Variants in STIM1 observed in about 807,000 individuals in gnomAD.
STIM1 encodes the protein stromal interaction molecule 1.
In STIM1, 25 loss-of-function variants were observed where a neutral mutation model predicts 74.7. The ratio of observed to expected loss-of-function variants is 0.33; its 90% CI spans 0.24 to 0.47. STIM1 has a LOEUF of 0.47. STIM1 is among the 20% of genes least tolerant of loss of function. The pLI is 1.00. For synonymous variants in STIM1, 328 were observed against 348.8 expected, an observed-to-expected ratio of 0.94 and a Z score of 0.66; for missense variants, 728 against 920.8, an observed-to-expected ratio of 0.79 and a Z score of 2.71.
At chr11:3,949,636 C>A (rs180980466) in intron 1 of STIM1, among the ~76,000 whole-genome samples, 211 of 152,206 alleles carry the variant, frequency 1.4e-3, no homozygotes, top group African/African-American at 4.8e-3. Flanking sequence ...AGTTAGGCAT[C>A]ACTGTTAAGG....
intron 2 of STIM1, among the ~76,000 whole-genome samples, chr11:3,998,387 C>G (rs2093681593): frequency 6.6e-6 from 1 of 152,150 alleles, no homozygotes; most frequent in African/African-American, 2.4e-5. Flanking sequence ...GATAGGCTGA[C>G]AATTTGGGGA....
At chr11:3,918,493 A>G (rs193264287) in intron 1 of STIM1, among the ~76,000 whole-genome samples, 3 of 151,450 alleles carry the variant, frequency 2.0e-5, no homozygotes, top group East Asian at 3.9e-4. Flanking sequence ...CCAAGATCAG[A>G]CCACTGCACT....
Position 4,024,358 on chromosome 11 carries a change from C to T in STIM1, c.385+371C>T, listed in dbSNP as rs145439245. ...TCTCTAGCTTCCCACTTAGTCCCAG[C>T]TCTGCTGAGTCCTAGACAATTCAAA... On this transcript the variant is annotated intron_variant, in intron 3 of 12. Transcript: ENST00000526596. 1.2e-3 allele frequency among the ~76,000 whole-genome samples: 177 copies of T among 152,288 alleles called. 1 individual carries two copies. The highest frequency in any genetic ancestry group is 4.2e-3 in the African/African-American group (174 of 41,564).
Position 4,083,302 on chromosome 11 carries a change from C to T in STIM1, c.1278C>T (p.Arg426=). 2 of 1,614,242 alleles carry T rather than the reference C, an allele frequency of 1.2e-6. No individual in the cohort carries two copies. The highest frequency in any genetic ancestry group is 1.7e-6 in the Non-Finnish European group (2 of 1,180,050). ...AGGTGACAGCAGCATTGCGGGAGCG[C>T]CTGCACCGCTGGCAACAGATCGAGA... ...LSEVTAALRE[R]LHRWQQIEIL... is the part of the protein sequence containing the mutation. The change falls in exon 10 of 13, where the codon CGC becomes CGT. Residue 426 remains arginine (R), a synonymous_variant. Coordinates refer to ENST00000526596, the MANE Select transcript of STIM1 (RefSeq NM_001382567.1).
At position 4,055,091 on chromosome 11, in the gene STIM1, G is replaced by T. The variant is rs1185706623; in HGVS notation, c.386-435G>T. 2.6e-5 allele frequency among the ~76,000 whole-genome samples: 4 copies of T among 151,988 alleles called. No homozygotes were observed. The East Asian group carries it at 7.7e-4, about 29-fold the overall frequency. Reference sequence around the variant, plus strand: ...GGATGGATAATTGATTCTCAACCCTGGTCACAACAGTTTAAAAATATTCCA... The same window carrying T: ...GGATGGATAATTGATTCTCAACCCTTGTCACAACAGTTTAAAAATATTCCA... On this transcript the variant is annotated intron_variant, in intron 3 of 12. Transcript: ENST00000526596.
chr11:4,000,983 T>G (rs1478967387), intron 2 of STIM1, among the ~76,000 whole-genome samples: 1 of 152,002 alleles, frequency 6.6e-6, no homozygotes, highest in Non-Finnish European at 1.5e-5. Context: ...AGAAAGAGTA[T>G]CAGTGACGGA....
chr11:3,904,837 C>T (rs2092437291), intron 1 of STIM1, among the ~76,000 whole-genome samples: 1 of 152,054 alleles, frequency 6.6e-6, no homozygotes, highest in Admixed American at 6.6e-5. Context: ...GAGAAAATAT[C>T]TGGTAGTTGG....
At chr11:4,013,607 T>G (rs2093862368) in intron 2 of STIM1, among the ~76,000 whole-genome samples, 2 of 151,380 alleles carry the variant, frequency 1.3e-5, no homozygotes, top group Non-Finnish European at 2.9e-5. Flanking sequence ...GATATCCCCT[T>G]TATCATTTTT....
intron 1 of STIM1, among the ~76,000 whole-genome samples, chr11:3,953,771 G>A (rs2093177524): frequency 1.4e-5 from 2 of 146,238 alleles, no homozygotes; most frequent in South Asian, 2.3e-4. Flanking sequence ...TTGACTTCTT[G>A]ATCTTCTTCT....
chr11:3,970,723 CAAAAA>C (rs950456674), intron 2 of STIM1, among the ~76,000 whole-genome samples: 3 of 150,364 alleles, frequency 2.0e-5, no homozygotes, highest in Middle Eastern at 3.2e-3. Context: ...AGGCAAGTAT[CAAAAA>C]AAATCACAAC....
intron 2 of STIM1, chr11:3,973,128 C>A: frequency 2.4e-6 from 1 of 414,780 alleles, no homozygotes; most frequent in Non-Finnish European, 4.7e-6. Flanking sequence ...GTAACCAGGG[C>A]TGCCCCTCTA....
At chr11:4,009,413 G>A (rs2093814455) in intron 2 of STIM1, among the ~76,000 whole-genome samples, 2 of 152,048 alleles carry the variant, frequency 1.3e-5, no homozygotes, top group African/African-American at 4.8e-5. Context: ...AGGAGTTCGA[G>A]ACTAGCCTGG....
At chr11:4,082,119 A>T in intron 7 of STIM1, 65 bp from the exon 8 acceptor site, 1 of 1,523,432 alleles carries the variant, frequency 6.6e-7, no homozygotes, top group Non-Finnish European at 9.1e-7. Flanking sequence ...GTTCTGAAGC[A>T]TCATACAGAG....
rs542632223 is a variant in STIM1 at position 3,954,358 on chromosome 11, G to A, written c.140-13194G>A. Among the ~76,000 whole-genome samples, 7 of 152,134 alleles carry A rather than the reference G, an allele frequency of 4.6e-5. No individual in the cohort carries two copies. In the East Asian group the frequency reaches 7.7e-4, roughly 17 times the overall value. ...AGTTTTTCTGTGCATTTGTTTGTTC[G>A]TTCAACAAATGTTCATTGAAGTCTA... On this transcript the variant is annotated intron_variant, in intron 1 of 12. Transcript: ENST00000526596.
chr11:3,937,290 C>CAATAATAATAATAATAATAATAAT lies in STIM1; in HGVS notation c.140-30256_140-30233dup, dbSNP rs5789317. Among the ~76,000 whole-genome samples, 328 of 133,072 alleles carry CAATAATAATAATAATAATAATAAT rather than the reference C, an allele frequency of 2.5e-3. 4 individuals are homozygous for CAATAATAATAATAATAATAATAAT. Among genetic ancestry groups the CAATAATAATAATAATAATAATAAT allele is most frequent in the East Asian group, 0.017 (77 of 4,466 alleles). The allele number at this position is 133,072 out of a possible 152,430, so 87.3% of individuals were successfully genotyped here. A position where few individuals can be genotyped will look rare whatever the true frequency, so the allele number is the denominator to read the frequency against. On this transcript the variant is annotated intron_variant, in intron 1 of 12. Coordinates refer to ENST00000526596, the MANE Select transcript of STIM1 (RefSeq NM_001382567.1). ...TGGGCAACAGAGCGAGACTTCATCT[C>CAATAATAATAATAATAATAATAAT]AATAATAATAATAATAATAATAATA...
intron 1 of STIM1, among the ~76,000 whole-genome samples, chr11:3,869,898 A>C (rs975780408): frequency 3.3e-5 from 5 of 152,190 alleles, no homozygotes; most frequent in African/African-American, 4.8e-5. Context: ...CTCAGAGTTT[A>C]AATGTAGGAA....
intron 3 of STIM1, among the ~76,000 whole-genome samples, chr11:4,039,603 A>C (rs1190206724): frequency 6.6e-6 from 1 of 151,436 alleles, no homozygotes; most frequent in Middle Eastern, 3.4e-3. Context: ...AAAAAAAAAA[A>C]AACGAAAGAA....
intron 3 of STIM1, among the ~76,000 whole-genome samples, chr11:4,052,094 A>G (rs2133065272): frequency 1.3e-5 from 2 of 152,212 alleles, no homozygotes; most frequent in East Asian, 3.8e-4. Flanking sequence ...CCACTGCTCA[A>G]TGAGATAAAA....
intron 2 of STIM1, among the ~76,000 whole-genome samples, chr11:4,011,166 C>T (rs1343850377): frequency 6.6e-6 from 1 of 152,132 alleles, no homozygotes; most frequent in Non-Finnish European, 1.5e-5. Context: ...GTGAATAGTG[C>T]CGCAATAAAC....
Sources: gnomAD v4.1 joint callset for allele counts (sites outside exome capture counted in the v4.1 genomes callset) on GRCh38, gnomAD v4.1.1 for gene constraint, MANE v1.5 for transcripts, NCBI Gene and HGNC (gene_info 2026-07-23, HGNC 2026-07-21) for gene names.